Variants in TMCC2 observed in about 807,000 individuals in gnomAD.
The protein encoded by TMCC2 is transmembrane and coiled-coil domains protein 2.
Under a neutral mutation model 49.4 loss-of-function variants are expected in TMCC2, and 16 were observed. The ratio of observed to expected loss-of-function variants is 0.32; its 90% confidence interval spans 0.22 to 0.49. The LOEUF is 0.49. Ranked by LOEUF, TMCC2 falls within the 20% of genes least tolerant of loss-of-function variation. The pLI, the probability that TMCC2 is intolerant of heterozygous loss-of-function variation, is 0.99. For missense variants in TMCC2, 762 were observed against 989.8 expected, an observed-to-expected ratio of 0.77 and a Z score of 3.09; for synonymous variants, 397 against 434.1, an observed-to-expected ratio of 0.91 and a Z score of 1.06.
At chr1:205,266,514 A>T (rs2102606276) in intron 2 of TMCC2, among the ~76,000 whole-genome samples, 1 of 151,038 alleles carries the variant, frequency 6.6e-6, no homozygotes, top group African/African-American at 2.4e-5. Context: ...AATCACTTGA[A>T]CCCAGGAGGC....
intron 3 of TMCC2, among the ~76,000 whole-genome samples, chr1:205,270,148 G>A (rs1661524984): frequency 6.6e-6 from 1 of 152,148 alleles, no homozygotes; most frequent in Non-Finnish European, 1.5e-5. Context: ...CTGGGTTCAA[G>A]CGATTCTCCT....
At chr1:205,251,245 G>A (rs747906485) in intron 2 of TMCC2, among the ~76,000 whole-genome samples, 22 of 152,196 alleles carry the variant, frequency 1.4e-4, no homozygotes, top group Non-Finnish European at 2.8e-4. Flanking sequence ...GGGGAAGTGA[G>A]TGTCATTTCT....
intron 2 of TMCC2, among the ~76,000 whole-genome samples, chr1:205,266,725 G>C: frequency 6.6e-6 from 1 of 151,908 alleles, no homozygotes; most frequent in Non-Finnish European, 1.5e-5. Flanking sequence ...TTCTCCCAGG[G>C]GAAAAAAGGG....
chr1:205,237,387 T>C (rs1245811808), intron 1 of TMCC2, among the ~76,000 whole-genome samples: 2 of 152,166 alleles, frequency 1.3e-5, no homozygotes, highest in African/African-American at 4.8e-5. Context: ...TGGCAAAGGC[T>C]CAGGGTGACC....
intron 1 of TMCC2, chr1:205,237,007 AT>A (rs1248943993): frequency 6.6e-6 from 1 of 151,918 alleles, no homozygotes; most frequent in Non-Finnish European, 1.5e-5. Context: ...GAATGGGGGA[AT>A]TTTTTGCCCG....
At position 205,228,522 on chromosome 1, in the gene TMCC2, G is replaced by A; in HGVS notation, c.-43G>A. ...AGGGGGTGCGGTCTTCCCCAAGACG[G>A]CGCGCTGGAAGGACAGATTCCCCTT... On this transcript the variant is annotated 5_prime_UTR_variant, in exon 1 of 5. Transcript: ENST00000358024. 1 of 1,553,602 alleles carries A rather than the reference G, an allele frequency of 6.4e-7. No homozygotes were observed. The highest frequency in any genetic ancestry group is 8.8e-7 in the Non-Finnish European group (1 of 1,142,030).
At position 205,255,218 on chromosome 1, in the gene TMCC2, A is replaced by AT. The variant is rs987507897; in HGVS notation, c.747+13174_747+13175insT. ...ATCCTGTCTCAAAAAAAAAAAAAAA[A>AT]AAAAATCCTAGCTTGGTGGGGCCTA... On this transcript the variant is annotated intron_variant, in intron 2 of 4. Coordinates refer to ENST00000358024, the MANE Select transcript of TMCC2 (RefSeq NM_014858.4). 7.9e-5 allele frequency among the ~76,000 whole-genome samples: 12 copies of AT among 151,618 alleles called. 1 individual carries two copies. The highest frequency in any genetic ancestry group is 1.5e-4 in the Non-Finnish European group (10 of 67,918).
intron 2 of TMCC2, among the ~76,000 whole-genome samples, chr1:205,262,164 C>G (rs1214485360): frequency 6.6e-6 from 1 of 152,134 alleles, no homozygotes; most frequent in Non-Finnish European, 1.5e-5. Context: ...TGGAGAGCTC[C>G]CCACCTTCTT....
At chr1:205,256,362 C>T (rs1470360350) in intron 2 of TMCC2, 20 of 1,550,906 alleles carry the variant, frequency 1.3e-5, no homozygotes, top group Non-Finnish European at 1.7e-5. Context: ...GCTGGCCACT[C>T]ACAGAATTTC....
In TMCC2 at chr1:205,271,908, C is replaced by T. The variant is rs190793550; in HGVS notation, c.1914C>T (p.Asn638=). The change falls in exon 5 of 5, where the codon AAC becomes AAT. Residue 638 remains asparagine, a synonymous_variant. Coordinates refer to ENST00000358024, the MANE Select transcript of TMCC2 (RefSeq NM_014858.4). ...VVQLEGVENA[N]ARALLGKFIN... is the part of the protein sequence containing the mutation. ...AGCTGGAGGGCGTGGAGAATGCCAA[C>T]GCGCGGGCGCTGCTGGGCAAGTTCA... The T allele has an allele frequency of 1.4e-5, 22 of 1,614,194 alleles. No individual in the cohort carries two copies. The East Asian group carries it at 3.1e-4, about 23-fold the overall frequency.
chr1:205,243,611 G>A (rs1346184746), intron 2 of TMCC2, among the ~76,000 whole-genome samples: 1 of 152,218 alleles, frequency 6.6e-6, no homozygotes. Context: ...CTAAGGTTAT[G>A]GGCTTAGTGG....
intron 2 of TMCC2, among the ~76,000 whole-genome samples, chr1:205,244,838 TG>T (rs1233029782): frequency 6.7e-6 from 1 of 149,586 alleles, no homozygotes; most frequent in Admixed American, 6.7e-5. Flanking sequence ...GAAAAGGAGA[TG>T]GGGGTACTGA....
chr1:205,261,966 A>G (rs1661135740), intron 2 of TMCC2, among the ~76,000 whole-genome samples: 1 of 152,092 alleles, frequency 6.6e-6, no homozygotes, highest in Non-Finnish European at 1.5e-5. Flanking sequence ...CACTCTGAAC[A>G]GCTTTCTCAT....
intron 1 of TMCC2, among the ~76,000 whole-genome samples, chr1:205,233,602 A>G (rs1659898926): frequency 1.3e-5 from 2 of 152,182 alleles, no homozygotes; most frequent in Non-Finnish European, 1.5e-5. Flanking sequence ...AGAAGGGTTC[A>G]TGCAGTCAGC....
chr1:205,268,168 G>A (rs1157207333), intron 2 of TMCC2: 2 of 736,524 alleles, frequency 2.7e-6, no homozygotes, highest in African/African-American at 3.8e-5. Flanking sequence ...CAAAGTGTAG[G>A]CGGTCAGCCC....
chr1:205,246,799 T>G (rs1425701244), intron 2 of TMCC2: 2 of 1,223,840 alleles, frequency 1.6e-6, no homozygotes, highest in Non-Finnish European at 2.3e-6. Flanking sequence ...CCTTGCTGTC[T>G]TTGGTTGCCT....
chr1:205,245,690 C>A (rs915243018), intron 2 of TMCC2, among the ~76,000 whole-genome samples: 5 of 152,158 alleles, frequency 3.3e-5, no homozygotes, highest in African/African-American at 1.2e-4. Flanking sequence ...TATAGCAGCT[C>A]AGGTTTGGTT....
At chr1:205,230,374 T>C (rs1016081287) in intron 1 of TMCC2, among the ~76,000 whole-genome samples, 3 of 152,220 alleles carry the variant, frequency 2.0e-5, no homozygotes, top group Admixed American at 1.3e-4. Flanking sequence ...ATAGGCTCTC[T>C]CTGCACAAGA....
Position 205,272,544 on chromosome 1 carries a change from T to C in TMCC2, c.*420T>C, listed in dbSNP as rs1331569703. On this transcript the variant is annotated 3_prime_UTR_variant, in exon 5 of 5. Coordinates refer to ENST00000358024, the MANE Select transcript of TMCC2 (RefSeq NM_014858.4). ...TAGCTACGGTTTTCTCTGGTGGAGA[T>C]GGTGAGGATGAAGGCTGGAGAGTGA... 1.5e-5 allele frequency: 3 copies of C among 194,626 alleles called. No individual in the cohort carries two copies. Among genetic ancestry groups the C allele is most frequent in the Non-Finnish European group, 3.2e-5 (3 of 94,102 alleles). 12.1% of individuals were successfully genotyped at this position (194,626 alleles called of 1,614,324 possible). A position where few individuals can be genotyped will look rare whatever the true frequency, so the allele number is the denominator to read the frequency against.
Sources: allele counts gnomAD v4.1 joint callset (sites outside exome capture counted in the v4.1 genomes callset), GRCh38; gene constraint gnomAD v4.1.1; transcripts MANE v1.5; gene names NCBI Gene and HGNC (gene_info 2026-07-23, HGNC 2026-07-21).